Variants in CLRN1 observed in about 807,000 individuals in gnomAD.
CLRN1 encodes the protein clarin-1.
CLRN1 carries 15 observed loss-of-function variants against 18.7 expected under a neutral mutation model. The observed-to-expected ratio is 0.80, with a 90% CI of 0.54 to 1.23. CLRN1 has a LOEUF of 1.23. CLRN1 is among the 50% of genes most tolerant of loss of function. CLRN1 has a pLI of 0.00. For missense variants in CLRN1, 311 were observed against 277.5 expected, an observed-to-expected ratio of 1.12 and a Z score of -0.86; for synonymous variants, 104 against 102.9, an observed-to-expected ratio of 1.01 and a Z score of -0.07.
At chr3:150,960,713 T>C (rs2107980486) in intron 1 of CLRN1, among the ~76,000 whole-genome samples, 1 of 152,326 alleles carries the variant, frequency 6.6e-6, no homozygotes, top group East Asian at 1.9e-4. Context: ...GGAGAACCCC[T>C]GAGAGTCTCT....
rs1330514473 is a variant in CLRN1, at chr3:150,927,237, A to G, written c.*699T>C. ...TTAGAGTTTGCAGATTTTGACCAAC[A>G]GACATGGTTAATAAGACTATGCTTT... is the stretch of plus-strand genomic sequence containing the variant. On this transcript the variant is annotated 3_prime_UTR_variant, in exon 3 of 3. Coordinates refer to ENST00000327047, the MANE Select transcript of CLRN1 (RefSeq NM_174878.3). 2.1e-6 allele frequency: 1 copy of G among 483,376 alleles called. No homozygotes were observed. Among genetic ancestry groups the G allele is most frequent in the East Asian group, 6.1e-5 (1 of 16,426 alleles). The allele number at this position is 483,376 out of a possible 1,614,324, so 29.9% of individuals were successfully genotyped here.
intron 2 of CLRN1, among the ~76,000 whole-genome samples, chr3:150,932,341 C>T (rs570563425): frequency 6.6e-6 from 1 of 152,212 alleles, no homozygotes; most frequent in Admixed American, 6.5e-5. Flanking sequence ...AGTGGGAACT[C>T]CCTGCCAGGA....
At chr3:150,936,086 T>A (rs147715930) in intron 2 of CLRN1, among the ~76,000 whole-genome samples, 1 of 152,216 alleles carries the variant, frequency 6.6e-6, no homozygotes, top group East Asian at 1.9e-4. Context: ...TTTCTTCCAT[T>A]TTGTGGGTTG....
chr3:150,933,469 T>A (rs1488801168), intron 2 of CLRN1, among the ~76,000 whole-genome samples: 7 of 151,878 alleles, frequency 4.6e-5, no homozygotes, highest in Non-Finnish European at 1.0e-4. Flanking sequence ...AAGGTAGATA[T>A]TTGGAGGAAG....
chr3:150,969,422 G>T (rs1374967225), intron 1 of CLRN1, among the ~76,000 whole-genome samples: 1 of 143,470 alleles, frequency 7.0e-6, no homozygotes, highest in African/African-American at 2.6e-5. Flanking sequence ...CACCTCCCGG[G>T]TTCGTGCCAT....
chr3:150,939,960 C>A (rs1444718390), intron 2 of CLRN1, among the ~76,000 whole-genome samples: 1 of 152,206 alleles, frequency 6.6e-6, no homozygotes, highest in Non-Finnish European at 1.5e-5. Context: ...CTCACTGGCT[C>A]ATGTCCTATT....
At chr3:150,970,062 A>G (rs929423725) in intron 1 of CLRN1, among the ~76,000 whole-genome samples, 2 of 152,250 alleles carry the variant, frequency 1.3e-5, no homozygotes, top group African/African-American at 4.8e-5. Flanking sequence ...ATTCTGGGAA[A>G]TGAATTGTGC....
Position 150,926,993 on chromosome 3 carries a change from T to C in CLRN1, c.*943A>G, listed in dbSNP as rs1472286417. ...TACCGTCATAATCCCAGATTTAATA[T>C]AATTTTCATAATTGCATATTAGTAC... On this transcript the variant is annotated 3_prime_UTR_variant, in exon 3 of 3. Transcript: ENST00000327047. The C allele has an allele frequency of 3.9e-6, 6 of 1,529,980 alleles. No individual in the cohort carries two copies. The African/African-American group carries it at 5.5e-5, about 14-fold the overall frequency. The allele number at this position is 1,529,980 out of a possible 1,614,324, so 94.8% of individuals were successfully genotyped here.
At position 150,941,581 on chromosome 3, in the gene CLRN1, C is replaced by T. The variant is rs201205811; in HGVS notation, c.433+1G>A. 4 of 1,613,880 alleles carry T rather than the reference C, an allele frequency of 2.5e-6. No individual in the cohort carries two copies. The highest frequency in any genetic ancestry group is 3.4e-6 in the Non-Finnish European group (4 of 1,179,852). On this transcript the variant is annotated splice_donor_variant, in intron 2 of 2. Transcript: ENST00000327047. LOFTEE classifies it high-confidence loss of function. ...CTTCAGAGGTAGAATTTTGTACTTACCTGAAATGAAGCTCAAAAGGTACAG... is the reference window on the plus strand; with the variant it reads ...CTTCAGAGGTAGAATTTTGTACTTATCTGAAATGAAGCTCAAAAGGTACAG...
At position 150,927,129 on chromosome 3, in the gene CLRN1, T is replaced by C; in HGVS notation, c.*807A>G. Reference sequence around the variant, plus strand: ...CAGTGGTCCTAACAATTATGTTCATTGAAAGTACTGTCGTGAATGTAATTG... The same window carrying C: ...CAGTGGTCCTAACAATTATGTTCATCGAAAGTACTGTCGTGAATGTAATTG... On this transcript the variant is annotated 3_prime_UTR_variant, in exon 3 of 3. Transcript: ENST00000327047. 2.8e-6 allele frequency: 2 copies of C among 701,816 alleles called. No individual in the cohort carries two copies. 43.5% of individuals were successfully genotyped at this position (701,816 alleles called of 1,614,324 possible). A position where few individuals can be genotyped will look rare whatever the true frequency, so the allele number is the denominator to read the frequency against.
chr3:150,971,447 A>C (rs929164346), intron 1 of CLRN1, among the ~76,000 whole-genome samples: 1 of 152,210 alleles, frequency 6.6e-6, no homozygotes, highest in African/African-American at 2.4e-5. Flanking sequence ...ACCAGCACTG[A>C]AATTTAATTA....
Position 150,928,020 on chromosome 3 carries a change from T to C in CLRN1, c.615A>G (p.Leu205=). The C allele has an allele frequency of 6.2e-7, 1 of 1,614,196 alleles. No homozygotes were observed. Among genetic ancestry groups the C allele is most frequent in the Non-Finnish European group, 8.5e-7 (1 of 1,180,026 alleles). ...GGAACTGAAATCCAGCAAGTCGTAT[T>C]AGGAGCCCATTCAGAAAATGAACAA... ...CFFVHFLNGL[L]IRLAGFQFPF... is the part of the protein sequence containing the mutation. The change falls in exon 3 of 3, where the codon CTA becomes CTG. Residue 205 remains leucine, a synonymous_variant. Transcript: ENST00000327047.
chr3:150,941,168 C>CTATCTATT (rs1375015453), intron 2 of CLRN1, among the ~76,000 whole-genome samples: 3 of 108,284 alleles, frequency 2.8e-5, no homozygotes, highest in African/African-American at 9.0e-5. Context: ...ATCTATCTAT[C>CTATCTATT]TATCTCTTTC....
intron 1 of CLRN1, among the ~76,000 whole-genome samples, chr3:150,952,765 A>G (rs1319876279): frequency 2.0e-5 from 3 of 152,226 alleles, no homozygotes; most frequent in Non-Finnish European, 4.4e-5. Flanking sequence ...AAATTGAAAC[A>G]AAGGCAGAAA....
chr3:150,937,008 A>C (rs1022272017), intron 2 of CLRN1, among the ~76,000 whole-genome samples: 2 of 152,156 alleles, frequency 1.3e-5, no homozygotes, highest in African/African-American at 2.4e-5. Flanking sequence ...TTTCTCTTTC[A>C]TAGCAACTTG....
At chr3:150,952,909 C>A (rs1197506165) in intron 1 of CLRN1, among the ~76,000 whole-genome samples, 1 of 152,190 alleles carries the variant, frequency 6.6e-6, no homozygotes, top group African/African-American at 2.4e-5. Flanking sequence ...CTAATCCCTG[C>A]TTGCTATATT....
chr3:150,937,025 A>C (rs1425652541), intron 2 of CLRN1, among the ~76,000 whole-genome samples: 1 of 152,108 alleles, frequency 6.6e-6, no homozygotes, highest in East Asian at 1.9e-4. Context: ...CTTGTTTATC[A>C]CCCTCATTGT....
At chr3:150,953,121 T>G (rs888978869) in intron 1 of CLRN1, among the ~76,000 whole-genome samples, 62 of 152,186 alleles carry the variant, frequency 4.1e-4, no homozygotes, top group African/African-American at 1.4e-3. Flanking sequence ...TAGATTTGCT[T>G]GGTCTCTCTG....
intron 1 of CLRN1, 44 bp downstream of exon 1, chr3:150,972,412 G>C (rs777391431): frequency 6.2e-7 from 1 of 1,613,668 alleles, no homozygotes; most frequent in Non-Finnish European, 8.5e-7. Flanking sequence ...ACTGGGAAGA[G>C]TCTGCCTAAA....
Sources: allele counts gnomAD v4.1 joint callset (sites outside exome capture counted in the v4.1 genomes callset), GRCh38; gene constraint gnomAD v4.1.1; transcripts MANE v1.5; gene names NCBI Gene and HGNC (gene_info 2026-07-23, HGNC 2026-07-21).